The following MTSS1 variants were observed in gnomAD, a reference collection of about 807,000 sequenced individuals.
MTSS1 encodes protein MTSS 1.
Under a neutral mutation model 79.0 loss-of-function variants are expected in MTSS1, and 18 were observed. That is an observed-to-expected ratio of 0.23 (90% CI 0.16 to 0.34). The LOEUF (loss-of-function observed/expected upper bound fraction) is 0.34. MTSS1 is among the 10% of genes least tolerant of loss of function. The probability of loss-of-function intolerance (pLI) is 1.00; values close to 1 mark genes in which losing one functional copy is unlikely to be tolerated. For synonymous variants in MTSS1, 341 were observed against 368.6 expected, an observed-to-expected ratio of 0.93 and a Z score of 0.86; for missense variants, 815 against 986.2, an observed-to-expected ratio of 0.83 and a Z score of 2.33.
chr8:124,577,237 CA>C (rs1829134248), intron 6 of MTSS1, among the ~76,000 whole-genome samples: 1 of 152,202 alleles, frequency 6.6e-6, no homozygotes, highest in Non-Finnish European at 1.5e-5. Context: ...TGAAATGCAA[CA>C]TCCCTTTGCA....
chr8:124,571,801 T>A (rs1827847423), intron 6 of MTSS1, among the ~76,000 whole-genome samples: 1 of 152,108 alleles, frequency 6.6e-6, no homozygotes. Context: ...CCGTCTCTAC[T>A]AAAAGTACAA....
intron 3 of MTSS1, chr8:124,619,171 C>A (rs541915158): frequency 1.3e-5 from 2 of 152,194 alleles, no homozygotes; most frequent in South Asian, 2.1e-4. Context: ...TGCCAACACA[C>A]GCACTTCAGG....
intron 3 of MTSS1, among the ~76,000 whole-genome samples, chr8:124,605,634 G>C (rs62530668): frequency 7.4e-6 from 1 of 134,984 alleles, no homozygotes; most frequent in Non-Finnish European, 1.6e-5. Flanking sequence ...CCCTGCCCTC[G>C]CGCTGGGCTC....
chr8:124,599,779 A>G (rs1376277053), intron 3 of MTSS1, among the ~76,000 whole-genome samples: 2 of 152,070 alleles, frequency 1.3e-5, no homozygotes, highest in Non-Finnish European at 2.9e-5. Flanking sequence ...ACACACTTGG[A>G]TGGCAGGCAC....
intron 3 of MTSS1, among the ~76,000 whole-genome samples, chr8:124,592,740 G>C (rs1480539068): frequency 1.3e-5 from 2 of 152,154 alleles, no homozygotes; most frequent in African/African-American, 4.8e-5. Flanking sequence ...TAAAAACAAG[G>C]TTTTCTCAAT....
chr8:124,556,638 A>C, intron 11 of MTSS1: 1 of 551,864 alleles, frequency 1.8e-6, no homozygotes, highest in Non-Finnish European at 3.1e-6. Context: ...CCAAAGATTA[A>C]AAACCCTCAC....
At chr8:124,699,181 A>G (rs1587871066) in intron 3 of MTSS1, 1 of 230,784 alleles carries the variant, frequency 4.3e-6, no homozygotes, top group Admixed American at 5.5e-5. Context: ...CAAGGAAACA[A>G]GGAAAACCCA....
At chr8:124,693,459 C>T (rs1828282540) in intron 3 of MTSS1, among the ~76,000 whole-genome samples, 1 of 152,158 alleles carries the variant, frequency 6.6e-6, no homozygotes, top group Admixed American at 6.5e-5. Flanking sequence ...ACTGTGATGC[C>T]TAATGCCAGA....
At chr8:124,698,820 C>A (rs1215302803) in intron 3 of MTSS1, among the ~76,000 whole-genome samples, 1 of 152,134 alleles carries the variant, frequency 6.6e-6, no homozygotes, top group Admixed American at 6.5e-5. Context: ...CCGCGCCTGA[C>A]CATAATGTTG....
Position 124,659,936 on chromosome 8 carries a change from AC to A in MTSS1, c.208+39589del, listed in dbSNP as rs546170185. 3.9e-4 allele frequency among the ~76,000 whole-genome samples: 59 copies of A among 151,758 alleles called. 1 individual carries two copies. The South Asian group carries it at 0.01, about 27-fold the overall frequency. ...AATGGTAAGGAATCATCTCTTCCTG[AC>A]TCTCTCTCTTACTCCTAAAACCAGA... On this transcript the variant is annotated intron_variant, in intron 3 of 13. Coordinates refer to ENST00000518547, the MANE Select transcript of MTSS1 (RefSeq NM_014751.6).
chr8:124,633,851 A>C (rs1816495138), intron 3 of MTSS1, among the ~76,000 whole-genome samples: 9 of 151,914 alleles, frequency 5.9e-5, no homozygotes, highest in Admixed American at 5.9e-4. Context: ...GTACCGCCTA[A>C]ATTTCTGACG....
chr8:124,652,720 G>A lies in MTSS1; in HGVS notation c.208+46806C>T, dbSNP rs530883834. ...TGAGGCAGGAGAATCACTTGAACCC[G>A]GGAAGCGGAGGTTTCAGTGAGCCGA... On this transcript the variant is annotated intron_variant, in intron 3 of 13. Coordinates refer to ENST00000518547, the MANE Select transcript of MTSS1 (RefSeq NM_014751.6). Among the ~76,000 whole-genome samples, 223 of 151,576 alleles carry A rather than the reference G, an allele frequency of 1.5e-3. 1 individual carries two copies. Among genetic ancestry groups the A allele is most frequent in the African/African-American group, 4.9e-3 (203 of 41,294 alleles).
At chr8:124,714,647 G>A (rs1831655403) in intron 1 of MTSS1, among the ~76,000 whole-genome samples, 1 of 152,064 alleles carries the variant, frequency 6.6e-6, no homozygotes, top group Non-Finnish European at 1.5e-5. Flanking sequence ...ATTTTTAGTA[G>A]AGATGGGGTT....
At chr8:124,715,334 T>C (rs1831773391) in intron 1 of MTSS1, among the ~76,000 whole-genome samples, 1 of 152,140 alleles carries the variant, frequency 6.6e-6, no homozygotes, top group African/African-American at 2.4e-5. Context: ...TGTTCTTTTC[T>C]TTTTCTCTTT....
chr8:124,631,476 C>T (rs1180009999), intron 3 of MTSS1, among the ~76,000 whole-genome samples: 2 of 152,218 alleles, frequency 1.3e-5, no homozygotes, highest in Non-Finnish European at 2.9e-5. Flanking sequence ...CAGGCCACTG[C>T]CTCCTCAGAA....
At chr8:124,604,942 C>A (rs773305821) in intron 3 of MTSS1, among the ~76,000 whole-genome samples, 37 of 152,346 alleles carry the variant, frequency 2.4e-4, no homozygotes, top group Admixed American at 9.8e-4. Context: ...CTGGCAGCCA[C>A]AAAGACCAAT....
At chr8:124,653,889 C>T (rs1006904801) in intron 3 of MTSS1, among the ~76,000 whole-genome samples, 2 of 152,310 alleles carry the variant, frequency 1.3e-5, no homozygotes, top group South Asian at 2.1e-4. Context: ...AGACACAAAT[C>T]GCATTCAACA....
At position 124,629,917 on chromosome 8, in the gene MTSS1, G is replaced by A. The variant is rs777190972; in HGVS notation, c.209-38682C>T. Among the ~76,000 whole-genome samples the A allele has an allele frequency of 6.4e-4, 97 of 152,178 alleles. 1 individual carries two copies. Among genetic ancestry groups the A allele is most frequent in the Non-Finnish European group, 8.8e-4 (60 of 68,034 alleles). On this transcript the variant is annotated intron_variant, in intron 3 of 13. Coordinates refer to ENST00000518547, the MANE Select transcript of MTSS1 (RefSeq NM_014751.6). ...CACACACCGTGCGTTCTTAAATGGA[G>A]CTACTGCCCAGTGGCTGCTGACTCA...
At chr8:124,672,994 G>C (rs1208031616) in intron 3 of MTSS1, among the ~76,000 whole-genome samples, 1 of 152,106 alleles carries the variant, frequency 6.6e-6, no homozygotes, top group African/African-American at 2.4e-5. Context: ...CCAAGCCCCA[G>C]GAACTGAATC....
Sources: allele counts gnomAD v4.1 joint callset (sites outside exome capture counted in the v4.1 genomes callset), GRCh38; gene constraint gnomAD v4.1.1; transcripts MANE v1.5; gene names NCBI Gene and HGNC (gene_info 2026-07-23, HGNC 2026-07-21).